The following CACNA1S variants were observed in gnomAD, a reference collection of about 807,000 sequenced individuals.
CACNA1S encodes the protein calcium voltage-gated channel subunit alpha1 S, also known as voltage-dependent L-type calcium channel subunit alpha-1S.
A neutral mutation model predicts 207.4 loss-of-function variants in CACNA1S; 126 were observed. That is an observed-to-expected ratio of 0.61 (90% CI 0.53 to 0.70). The LOEUF is 0.70. Among genes scored for constraint, CACNA1S ranks in the 30% least tolerant of loss-of-function variants. The probability of loss-of-function intolerance (pLI) is 0.00; values close to 1 mark genes in which losing one functional copy is unlikely to be tolerated. For synonymous variants in CACNA1S, 960 were observed against 932.7 expected, an observed-to-expected ratio of 1.03 and a Z score of -0.53; for missense variants, 2,349 against 2,422.8, an observed-to-expected ratio of 0.97 and a Z score of 0.64.
At chr1:201,047,086 C>T in intron 38 of CACNA1S, 29 bp downstream of exon 38, 1 of 1,614,046 alleles carries the variant, frequency 6.2e-7, no homozygotes, top group Non-Finnish European at 8.5e-7. Flanking sequence ...GTGGGGGAGC[C>T]CCTTGGAACA....
chr1:201,060,650 G>T lies in CACNA1S; in HGVS notation c.3414+8C>A. 1 of 1,614,152 alleles carries T rather than the reference G, an allele frequency of 6.2e-7. No homozygotes were observed. Among genetic ancestry groups the T allele is most frequent in the East Asian group, 2.2e-5 (1 of 44,880 alleles). On this transcript the variant is annotated splice_region_variant and intron_variant, in intron 26 of 43. Coordinates refer to ENST00000362061, the MANE Select transcript of CACNA1S (RefSeq NM_000069.3). Reference sequence around the variant, plus strand: ...TGATCAGACATTTTTCTCCTGGGGAGCCCTTACCTGCATGCCGAGGCAGAT... The same window carrying T: ...TGATCAGACATTTTTCTCCTGGGGATCCCTTACCTGCATGCCGAGGCAGAT...
At chr1:201,074,949 C>A (rs899533756) in intron 13 of CACNA1S, among the ~76,000 whole-genome samples, 1 of 152,184 alleles carries the variant, frequency 6.6e-6, no homozygotes, top group African/African-American at 2.4e-5. Flanking sequence ...AACAACGGTG[C>A]CCTTCCTCCC....
At position 201,112,323 on chromosome 1, in the gene CACNA1S, G is replaced by A; in HGVS notation, c.17C>T (p.Pro6Leu). The A allele has an allele frequency of 1.9e-6, 3 of 1,613,222 alleles. No individual in the cohort carries two copies. The highest frequency in any genetic ancestry group is 2.2e-5 in the South Asian group (2 of 91,044). Residue 6 changes from proline (P) to leucine (L), a missense_variant, in exon 1 of 44, where the codon CCC (proline) becomes CTC (leucine). Transcript: ENST00000362061. The part of the protein sequence containing the change: MEPSS[P>L]QDEGLRKKQP... ...TTTCTTCCTCAGGCCTTCATCCTGG[G>A]GTGAGGATGGCTCCATGGCTTCCCT...
intron 22 of CACNA1S, among the ~76,000 whole-genome samples, chr1:201,062,951 G>T (rs907938101): frequency 7.2e-5 from 11 of 152,182 alleles, no homozygotes. Context: ...AGGAGGAGGG[G>T]CTGCCCACCT....
intron 2 of CACNA1S, among the ~76,000 whole-genome samples, chr1:201,104,288 C>T (rs116184852): frequency 0.015 from 2,336 of 152,288 alleles, 67 homozygotes; most frequent in African/African-American, 0.053. Flanking sequence ...GACACATCTC[C>T]GCCCCTGCCC....
intron 2 of CACNA1S, among the ~76,000 whole-genome samples, chr1:201,096,839 C>T (rs1572066531): frequency 6.6e-6 from 1 of 152,230 alleles, no homozygotes; most frequent in Non-Finnish European, 1.5e-5. Context: ...TTTCTGCCTA[C>T]ACTGTGTTCT....
In CACNA1S at chr1:201,044,336, T is replaced by C. The variant is rs1660397861; in HGVS notation, c.4789A>G (p.Ile1597Val). ...TCCTGGCTCTCCCTCACCCGGAATA[T>C]TCCCTCCTCCATCGCAGCCTCCACC... ...AMVEAAMEEG[I>V]FRRTGGLFGQ... The change falls in exon 39 of 44, where the codon ATA (isoleucine) becomes GTA (valine). Residue 1597 changes from isoleucine (I) to valine (V), a missense_variant. Coordinates refer to ENST00000362061, the MANE Select transcript of CACNA1S (RefSeq NM_000069.3). The C allele has an allele frequency of 6.2e-7, 1 of 1,612,468 alleles. No individual in the cohort carries two copies. Among genetic ancestry groups the C allele is most frequent in the Non-Finnish European group, 8.5e-7 (1 of 1,179,148 alleles).
intron 2 of CACNA1S, among the ~76,000 whole-genome samples, chr1:201,108,547 T>A (rs1405208991): frequency 3.3e-5 from 5 of 152,216 alleles, no homozygotes; most frequent in Non-Finnish European, 7.3e-5. Flanking sequence ...ACATGGAGAC[T>A]AACCCTATGG....
At chr1:201,099,676 C>T (rs948938431) in intron 2 of CACNA1S, among the ~76,000 whole-genome samples, 1 of 152,180 alleles carries the variant, frequency 6.6e-6, no homozygotes, top group Non-Finnish European at 1.5e-5. Flanking sequence ...CAAATGTCCC[C>T]TCCCTCTTAG....
rs2102154505 is a variant in CACNA1S, at chr1:201,085,284, T to C, written c.1150+152A>G. On this transcript the variant is annotated intron_variant, in intron 8 of 43. Coordinates refer to ENST00000362061, the MANE Select transcript of CACNA1S (RefSeq NM_000069.3). ...GGGAAGAGCTCTGGTCACACCTGGA[T>C]CTTACCATTTTGAGCCATTTTGCTT... The C allele has an allele frequency of 3.8e-6, 4 of 1,050,502 alleles. No homozygotes were observed. The South Asian group carries it at 3.9e-5, about 10-fold the overall frequency. 65.1% of individuals were successfully genotyped at this position (1,050,502 alleles called of 1,614,324 possible).
chr1:201,042,312 G>A (rs1465403199), intron 40 of CACNA1S, among the ~76,000 whole-genome samples: 2 of 151,984 alleles, frequency 1.3e-5, no homozygotes, highest in African/African-American at 2.4e-5. Context: ...TTTTTTGTGT[G>A]TTTTTAGTAG....
chr1:201,040,407 C>G (rs758777390), intron 42 of CACNA1S, 33 bp from the exon 43 acceptor site: 2 of 1,609,976 alleles, frequency 1.2e-6, no homozygotes, highest in South Asian at 1.1e-5. Context: ...AAGACCCCGA[C>G]AGGGGTGCTG....
At chr1:201,104,777 C>T (rs1558088010) in intron 2 of CACNA1S, among the ~76,000 whole-genome samples, 1 of 152,182 alleles carries the variant, frequency 6.6e-6, no homozygotes, top group East Asian at 1.9e-4. Context: ...ATTAGGAAGT[C>T]TGATAATTGT....
chr1:201,103,151 C>T (rs563435261), intron 2 of CACNA1S, among the ~76,000 whole-genome samples: 28 of 150,108 alleles, frequency 1.9e-4, no homozygotes, highest in African/African-American at 6.9e-4. Context: ...GAGGCTGAGA[C>T]AGGAGAATTG....
intron 33 of CACNA1S, 97 bp from the exon 34 acceptor site, chr1:201,050,613 C>A: frequency 7.0e-7 from 1 of 1,420,010 alleles, no homozygotes; most frequent in South Asian, 1.2e-5. Context: ...CACAACTTCT[C>A]GCTTCCTGTG....
intron 9 of CACNA1S, among the ~76,000 whole-genome samples, chr1:201,084,328 A>G (rs1661955688): frequency 6.6e-6 from 1 of 152,210 alleles, no homozygotes; most frequent in South Asian, 2.1e-4. Context: ...AAGACGGATG[A>G]AAGCACAGAA....
chr1:201,109,744 C>G (rs142390132), intron 2 of CACNA1S, among the ~76,000 whole-genome samples: 1 of 152,202 alleles, frequency 6.6e-6, no homozygotes, highest in Non-Finnish European at 1.5e-5. Context: ...TGAAGGCAAA[C>G]TTAGTGGACA....
intron 28 of CACNA1S, among the ~76,000 whole-genome samples, chr1:201,058,105 G>A (rs1232160761): frequency 6.6e-6 from 1 of 152,160 alleles, no homozygotes. Flanking sequence ...CCTTCAGGCA[G>A]ATGGCACCAC....
At chr1:201,070,219 G>A (rs1661399438) in intron 17 of CACNA1S, 53 bp downstream of exon 17, 2 of 1,603,550 alleles carry the variant, frequency 1.2e-6, no homozygotes, top group East Asian at 4.5e-5. Flanking sequence ...CTAGGGCAGG[G>A]AAGCAGATGA....
Sources: allele counts gnomAD v4.1 joint callset (sites outside exome capture counted in the v4.1 genomes callset), GRCh38; gene constraint gnomAD v4.1.1; transcripts MANE v1.5; gene names NCBI Gene and HGNC (gene_info 2026-07-23, HGNC 2026-07-21).